ZNF827: variants seen among roughly 807,000 people sequenced by gnomAD.
ZNF827 encodes the protein zinc finger protein 827.
In ZNF827, 13 loss-of-function variants were observed where a neutral mutation model predicts 102.4. The ratio of observed to expected loss-of-function variants is 0.13; its 90% CI spans 0.08 to 0.20. The LOEUF (loss-of-function observed/expected upper bound fraction) is 0.20, where lower values mean the gene tolerates loss of function less well. ZNF827 is among the 10% of genes least tolerant of loss of function. ZNF827 has a pLI of 1.00. For synonymous variants in ZNF827, 523 were observed against 536.2 expected, an observed-to-expected ratio of 0.98 and a Z score of 0.34; for missense variants, 1,103 against 1,344.4, an observed-to-expected ratio of 0.82 and a Z score of 2.81.
At chr4:145,780,668 C>T (rs1472791021) in intron 8 of ZNF827, among the ~76,000 whole-genome samples, 5 of 152,140 alleles carry the variant, frequency 3.3e-5, no homozygotes, top group Admixed American at 3.3e-4. Context: ...AAATAGGTGA[C>T]AGAGAACACC....
chr4:145,846,306 G>A lies in ZNF827; in HGVS notation c.2222-293C>T, dbSNP rs181975940. ...ATCCTGGCTAACACAGTGAAACACC[G>A]TCTCTACTAAAAATACAAAAAATTA... On this transcript the variant is annotated intron_variant, in intron 6 of 14. Coordinates refer to ENST00000508784, the MANE Select transcript of ZNF827 (RefSeq NM_001306215.2). 3.3e-5 allele frequency among the ~76,000 whole-genome samples: 5 copies of A among 151,868 alleles called. No homozygotes were observed. The East Asian group carries it at 5.8e-4, about 18-fold the overall frequency.
At chr4:145,818,535 C>T (rs531936503) in intron 8 of ZNF827, among the ~76,000 whole-genome samples, 10 of 152,268 alleles carry the variant, frequency 6.6e-5, no homozygotes, top group South Asian at 2.1e-4. Flanking sequence ...AGTTACAAAA[C>T]GATATACACT....
intron 8 of ZNF827, among the ~76,000 whole-genome samples, chr4:145,804,441 C>CTT (rs67873734): frequency 6.6e-6 from 1 of 152,014 alleles, no homozygotes; most frequent in African/African-American, 2.4e-5. Context: ...TAGATAATCA[C>CTT]TTTTTTTCTG....
chr4:145,869,729 T>A lies in ZNF827; in HGVS notation c.1981+516A>T, dbSNP rs142112214. Reference sequence around the variant, plus strand: ...TTCATTAATCTTAAGAACAGATTAATTATTGTAATATTCCATTATAAAATT... The same window carrying A: ...TTCATTAATCTTAAGAACAGATTAAATATTGTAATATTCCATTATAAAATT... On this transcript the variant is annotated intron_variant, in intron 5 of 14. Coordinates refer to ENST00000508784, the MANE Select transcript of ZNF827 (RefSeq NM_001306215.2). Among the ~76,000 whole-genome samples the A allele has an allele frequency of 4.3e-3, 650 of 152,328 alleles. 4 individuals carry two copies. The highest frequency in any genetic ancestry group is 0.015 in the African/African-American group (625 of 41,572).
At chr4:145,849,294 AT>A (rs776099093) in intron 6 of ZNF827, 27 bp downstream of exon 6, 4 of 1,596,294 alleles carry the variant, frequency 2.5e-6, no homozygotes, top group Non-Finnish European at 3.4e-6. Context: ...ATTTCCAATA[AT>A]TGACATTTTC....
chr4:145,856,141 T>C (rs1041071777), intron 5 of ZNF827, among the ~76,000 whole-genome samples: 4 of 152,034 alleles, frequency 2.6e-5, no homozygotes, highest in Non-Finnish European at 1.5e-5. Context: ...ATTACAGTCT[T>C]GCGCCACCAT....
intron 5 of ZNF827, among the ~76,000 whole-genome samples, chr4:145,868,327 C>G (rs60142704): frequency 6.6e-6 from 1 of 151,578 alleles, no homozygotes; most frequent in Non-Finnish European, 1.5e-5. Flanking sequence ...TGACCTAAGT[C>G]TTTTGCACAC....
chr4:145,762,542 G>A lies in ZNF827; in HGVS notation c.*17+548C>T, dbSNP rs1243614918. Among the ~76,000 whole-genome samples the A allele has an allele frequency of 1.3e-5, 2 of 152,128 alleles. No individual in the cohort carries two copies. Among genetic ancestry groups the A allele is most frequent in the African/African-American group, 4.8e-5 (2 of 41,424 alleles). On this transcript the variant is annotated intron_variant, in intron 14 of 14. Coordinates refer to ENST00000508784, the MANE Select transcript of ZNF827 (RefSeq NM_001306215.2). The surrounding 1 kb of genome is among the most constrained non-coding windows in gnomAD (Gnocchi z 4.9). ...GACATACTGGTTCATTATTTGAGTG[G>A]TCTCTACAGGCAATTTAGGTAGATT...
chr4:145,761,705 G>T lies in ZNF827; in HGVS notation c.*18-107C>A. The T allele has an allele frequency of 1.4e-6, 1 of 695,350 alleles. No homozygotes were observed. Among genetic ancestry groups the T allele is most frequent in the Non-Finnish European group, 2.1e-6 (1 of 486,014 alleles). 43.1% of individuals were successfully genotyped at this position (695,350 alleles called of 1,614,324 possible). On this transcript the variant is annotated intron_variant, in intron 14 of 14. Transcript: ENST00000508784. This position sits in a 1 kb window ranked among gnomAD's most constrained non-coding sequence, Gnocchi z 6.8. ...CCTCACACCACCCCCCAGTGTCTGAGGCCTGGCCTGCCCAGCCCAGCCCAG... is the reference window on the plus strand; with the variant it reads ...CCTCACACCACCCCCCAGTGTCTGATGCCTGGCCTGCCCAGCCCAGCCCAG...
chr4:145,760,741 T>G lies in ZNF827; in HGVS notation c.*875A>C. 4 of 1,017,184 alleles carry G rather than the reference T, an allele frequency of 3.9e-6. No individual in the cohort carries two copies. Among genetic ancestry groups the G allele is most frequent in the Non-Finnish European group, 4.8e-6 (4 of 840,856 alleles). The allele number at this position is 1,017,184 out of a possible 1,614,324, so 63.0% of individuals were successfully genotyped here. A position where few individuals can be genotyped will look rare whatever the true frequency, so the allele number is the denominator to read the frequency against. On this transcript the variant is annotated 3_prime_UTR_variant, in exon 15 of 15. Coordinates refer to ENST00000508784, the MANE Select transcript of ZNF827 (RefSeq NM_001306215.2). The stretch of plus-strand genomic sequence containing the variant: ...TGTGGTTTTTTTTTTTTTTTTTGTC[T>G]TTTGTCTCTCTGTTTTTGGTACAGA...
At chr4:145,877,741 T>A (rs989909248) in intron 4 of ZNF827, among the ~76,000 whole-genome samples, 1 of 152,176 alleles carries the variant, frequency 6.6e-6, no homozygotes, top group African/African-American at 2.4e-5. Context: ...TATAAAGTTT[T>A]CCTGCAAAAA....
At chr4:145,776,636 T>A (rs1737155133) in intron 9 of ZNF827, among the ~76,000 whole-genome samples, 1 of 152,042 alleles carries the variant, frequency 6.6e-6, no homozygotes, top group South Asian at 2.1e-4. Context: ...GTACCCCATG[T>A]GTCAGTCATG....
rs143086596 is a variant in ZNF827, at chr4:145,907,623, G to A, written c.44-4408C>T. 4.2e-3 allele frequency among the ~76,000 whole-genome samples: 634 copies of A among 152,328 alleles called. 7 individuals are homozygous for A. The highest frequency in any genetic ancestry group is 0.014 in the African/African-American group (599 of 41,570). On this transcript the variant is annotated intron_variant, in intron 1 of 14. Transcript: ENST00000508784. ...AAGTGCTTCCTGCGGTACAGTGACC[G>A]TGGATTTCACAGCTTTCTTAACCAA...
intron 7 of ZNF827, among the ~76,000 whole-genome samples, chr4:145,837,467 G>A (rs1040766584): frequency 2.8e-5 from 4 of 141,664 alleles, no homozygotes; most frequent in African/African-American, 1.0e-4. Flanking sequence ...CTTAGACTGT[G>A]CCCCCCACCA....
chr4:145,914,896 A>C (rs957529241), intron 1 of ZNF827, among the ~76,000 whole-genome samples: 4 of 152,258 alleles, frequency 2.6e-5, no homozygotes, highest in African/African-American at 9.6e-5. Flanking sequence ...CTTTGTCACC[A>C]GCAGGGATGC....
chr4:145,816,202 T>A (rs1181621015), intron 8 of ZNF827, among the ~76,000 whole-genome samples: 1 of 152,216 alleles, frequency 6.6e-6, no homozygotes, highest in Non-Finnish European at 1.5e-5. Context: ...TTTCGGATGT[T>A]ACCATTTCCC....
At chr4:145,926,202 C>T (rs958115364) in intron 1 of ZNF827, among the ~76,000 whole-genome samples, 2 of 152,178 alleles carry the variant, frequency 1.3e-5, no homozygotes, top group Non-Finnish European at 2.9e-5. Context: ...AATGAAGTAT[C>T]GGTTATCACA....
chr4:145,913,751 T>G (rs1752468230), intron 1 of ZNF827, among the ~76,000 whole-genome samples: 1 of 152,222 alleles, frequency 6.6e-6, no homozygotes, highest in African/African-American at 2.4e-5. Flanking sequence ...CACATCGTTA[T>G]CAGAAAAATT....
At chr4:145,850,494 G>T (rs1560997469) in intron 5 of ZNF827, among the ~76,000 whole-genome samples, 1 of 152,186 alleles carries the variant, frequency 6.6e-6, no homozygotes, top group African/African-American at 2.4e-5. Context: ...AATCTTACAA[G>T]TTATAATAAT....
Sources: gnomAD v4.1 joint callset for allele counts (sites outside exome capture counted in the v4.1 genomes callset) on GRCh38, gnomAD v4.1.1 for gene constraint, Gnocchi (gnomAD v3.1) non-coding constraint, MANE v1.5 for transcripts, NCBI Gene and HGNC (gene_info 2026-07-23, HGNC 2026-07-21) for gene names.